The following MON2 variants were observed in gnomAD, a reference collection of about 807,000 sequenced individuals.
The protein encoded by MON2 is protein MON2 homolog.
A neutral mutation model predicts 208.6 loss-of-function variants in MON2; 84 were observed. The observed-to-expected ratio is 0.40, with a 90% CI of 0.34 to 0.48. MON2 has a LOEUF of 0.48. MON2 is among the 20% of genes least tolerant of loss of function. MON2 has a pLI of 0.59. For synonymous variants in MON2, 660 were observed against 694.0 expected, an observed-to-expected ratio of 0.95 and a Z score of 0.77; for missense variants, 1,611 against 2,015.4, an observed-to-expected ratio of 0.80 and a Z score of 3.84.
chr12:62,517,958 G>A (rs1360126660), intron 8 of MON2, among the ~76,000 whole-genome samples: 1 of 152,126 alleles, frequency 6.6e-6, no homozygotes, highest in African/African-American at 2.4e-5. Flanking sequence ...AATTGTCTTA[G>A]TTCGGGCTGT....
chr12:62,481,432 A>T (rs2069427444), intron 1 of MON2, among the ~76,000 whole-genome samples: 1 of 150,234 alleles, frequency 6.7e-6, no homozygotes, highest in African/African-American at 2.5e-5. Flanking sequence ...AGGCTGAGGC[A>T]GGAGAATGGC....
chr12:62,592,757 C>T lies in MON2; in HGVS notation c.*8C>T, dbSNP rs1373469187. On this transcript the variant is annotated 3_prime_UTR_variant, in exon 35 of 35. Transcript: ENST00000393630. ...CAAAATGGAGAATCTTGACCGGCTACAATATATTTGAAAGCAGGAAGATAG... is the reference window on the plus strand; with the variant it reads ...CAAAATGGAGAATCTTGACCGGCTATAATATATTTGAAAGCAGGAAGATAG... The T allele has an allele frequency of 1.3e-6, 2 of 1,566,216 alleles. No homozygotes were observed. Among genetic ancestry groups the T allele is most frequent in the Admixed American group, 3.4e-5 (2 of 58,954 alleles).
In MON2 at chr12:62,536,961, A is replaced by G. The variant is rs1336767863; in HGVS notation, c.1901-190A>G. The stretch of plus-strand genomic sequence containing the variant: ...GCCTCAGCCTCCCAAAATGGCTGGG[A>G]TTACAGGTGTGAGCCACTGTGCCCA... On this transcript the variant is annotated intron_variant, in intron 14 of 34. Coordinates refer to ENST00000393630, the MANE Select transcript of MON2 (RefSeq NM_015026.3). Among the ~76,000 whole-genome samples the G allele has an allele frequency of 5.3e-5, 8 of 152,132 alleles. No homozygotes were observed. In the East Asian group the frequency reaches 1.5e-3, roughly 29 times the overall value.
At chr12:62,515,261 C>T (rs911963219) in intron 8 of MON2, among the ~76,000 whole-genome samples, 1 of 152,026 alleles carries the variant, frequency 6.6e-6, no homozygotes, top group Non-Finnish European at 1.5e-5. Flanking sequence ...GATGAACAAA[C>T]CAAGAAAATA....
chr12:62,483,620 G>A (rs906018016), intron 1 of MON2, among the ~76,000 whole-genome samples: 3 of 152,192 alleles, frequency 2.0e-5, no homozygotes, highest in African/African-American at 4.8e-5. Flanking sequence ...GGAGGCTGAG[G>A]CAGGAGAATG....
chr12:62,504,284 GC>G lies in MON2; in HGVS notation c.789+2589del, dbSNP rs1262707459. On this transcript the variant is annotated intron_variant, in intron 7 of 34. Transcript: ENST00000393630. ...TTTTGAGACAGCATCTTGCTCTGTC[GC>G]CCAGGTTGGAGTGCAGTCGCATGAT... is the stretch of plus-strand genomic sequence containing the variant. Among the ~76,000 whole-genome samples, 3 of 131,890 alleles carry G rather than the reference GC, an allele frequency of 2.3e-5. No individual in the cohort carries two copies. The Admixed American group carries it at 2.7e-4, about 12-fold the overall frequency. 86.5% of individuals were successfully genotyped at this position (131,890 alleles called of 152,430 possible).
intron 20 of MON2, 49 bp from the exon 21 acceptor site, chr12:62,544,849 G>A: frequency 6.3e-7 from 1 of 1,583,382 alleles, no homozygotes; most frequent in Non-Finnish European, 8.6e-7. Context: ...ATTGATGTGT[G>A]ATTCATAGCT....
Position 62,599,711 on chromosome 12 carries a change from A to T in MON2, c.*6962A>T, listed in dbSNP as rs1283917945. ...GATCACTATGTCTTGCTTTTTCAAA[A>T]GCAGTTCTTTCTACTACAGTACAAT... On this transcript the variant is annotated 3_prime_UTR_variant, in exon 35 of 35. Coordinates refer to ENST00000393630, the MANE Select transcript of MON2 (RefSeq NM_015026.3). The T allele has an allele frequency of 2.6e-5, 4 of 152,208 alleles. No individual in the cohort carries two copies. Among genetic ancestry groups the T allele is most frequent in the Non-Finnish European group, 5.9e-5 (4 of 68,030 alleles). 9.4% of individuals were successfully genotyped at this position (152,208 alleles called of 1,614,324 possible).
At chr12:62,566,553 C>A in intron 29 of MON2, 103 bp downstream of exon 29, 2 of 1,100,448 alleles carry the variant, frequency 1.8e-6, no homozygotes, top group Non-Finnish European at 2.5e-6. Context: ...ATAGAAAATA[C>A]AATTTGTAGT....
At position 62,585,298 on chromosome 12, in the gene MON2, A is replaced by T; in HGVS notation, c.4704A>T (p.Ala1568=). The change falls in exon 33 of 35, where the codon GCA becomes GCT. Residue 1568 remains alanine, a synonymous_variant. Transcript: ENST00000393630. The stretch of plus-strand genomic sequence containing the variant: ...CAAAATTTGTTAATTTTACAGAAGC[A>T]GAGATTGATATTCGTTTGAGAGAGG... The part of the protein sequence containing the change: ...IHSQSSSFTE[A]EIDIRLREEF... The T allele has an allele frequency of 6.2e-7, 1 of 1,610,988 alleles. No individual in the cohort carries two copies. Among genetic ancestry groups the T allele is most frequent in the Non-Finnish European group, 8.5e-7 (1 of 1,177,692 alleles).
chr12:62,523,562 T>A (rs2072179196), intron 8 of MON2, among the ~76,000 whole-genome samples: 1 of 152,330 alleles, frequency 6.6e-6, no homozygotes, highest in Non-Finnish European at 1.5e-5. Context: ...TGTCCTTTTT[T>A]TAAGCATCCA....
intron 8 of MON2, among the ~76,000 whole-genome samples, chr12:62,514,234 T>G (rs1366220923): frequency 6.6e-6 from 1 of 152,180 alleles, no homozygotes; most frequent in East Asian, 1.9e-4. Context: ...TTTTCGTGTC[T>G]TCTTCTGAGC....
chr12:62,558,337 A>G (rs1465688486), intron 25 of MON2, among the ~76,000 whole-genome samples: 2 of 152,082 alleles, frequency 1.3e-5, no homozygotes, highest in African/African-American at 4.8e-5. Flanking sequence ...ATAATTTTTT[A>G]TAACTTTAAG....
At chr12:62,542,953 G>T in intron 19 of MON2, 144 bp from the exon 20 acceptor site, 1 of 441,246 alleles carries the variant, frequency 2.3e-6, no homozygotes, top group South Asian at 6.1e-5. Flanking sequence ...TTTGATAACT[G>T]AGGTTTTGTT....
At chr12:62,487,994 A>G (rs1235807632) in intron 2 of MON2, among the ~76,000 whole-genome samples, 1 of 152,138 alleles carries the variant, frequency 6.6e-6, no homozygotes, top group African/African-American at 2.4e-5. Context: ...ATTGTGACTT[A>G]TGTTGCCAGT....
chr12:62,513,126 G>T lies in MON2; in HGVS notation c.984+4646G>T, dbSNP rs2136131690. Among the ~76,000 whole-genome samples the T allele has an allele frequency of 2.0e-5, 3 of 152,312 alleles. 1 individual carries two copies. The highest frequency in any genetic ancestry group is 2.0e-4 in the Admixed American group (3 of 15,300). The stretch of plus-strand genomic sequence containing the variant: ...TCAAAGATCTCTGACATGCCCTGGA[G>T]ACATTTTCCCCATTGTCTTGGTGAT... On this transcript the variant is annotated intron_variant, in intron 8 of 34. Coordinates refer to ENST00000393630, the MANE Select transcript of MON2 (RefSeq NM_015026.3).
At chr12:62,467,970 T>C (rs1235982148) in intron 1 of MON2, among the ~76,000 whole-genome samples, 1 of 151,622 alleles carries the variant, frequency 6.6e-6, no homozygotes, top group Non-Finnish European at 1.5e-5. Flanking sequence ...TTTTTCCAGC[T>C]GTAAAATAGG....
At chr12:62,473,850 C>A (rs2068923116) in intron 1 of MON2, among the ~76,000 whole-genome samples, 1 of 152,052 alleles carries the variant, frequency 6.6e-6, no homozygotes, top group African/African-American at 2.4e-5. Flanking sequence ...GGATTACAGA[C>A]CCGAGCCACT....
At chr12:62,549,603 C>A in intron 22 of MON2, 65 bp from the exon 23 acceptor site, 2 of 1,428,344 alleles carry the variant, frequency 1.4e-6, no homozygotes, top group Non-Finnish European at 1.9e-6. Flanking sequence ...CAGAGTGAGA[C>A]CCTGTCTCAA....
Sources: gnomAD v4.1 joint callset for allele counts (sites outside exome capture counted in the v4.1 genomes callset) on GRCh38, gnomAD v4.1.1 for gene constraint, MANE v1.5 for transcripts, NCBI Gene and HGNC (gene_info 2026-07-23, HGNC 2026-07-21) for gene names.